SCMH1: variants seen among roughly 807,000 people sequenced by gnomAD.
SCMH1 encodes the protein polycomb protein SCMH1.
A neutral mutation model predicts 70.8 loss-of-function variants in SCMH1; 37 were observed. The ratio of observed to expected loss-of-function variants is 0.52; its 90% CI spans 0.40 to 0.69. The LOEUF (loss-of-function observed/expected upper bound fraction) is 0.69. Ranked by LOEUF, SCMH1 falls within the 30% of genes least tolerant of loss-of-function variation. The probability of loss-of-function intolerance (pLI) is 0.00; values close to 1 mark genes in which losing one functional copy is unlikely to be tolerated. For missense variants in SCMH1, 607 were observed against 827.3 expected, an observed-to-expected ratio of 0.73 and a Z score of 3.27; for synonymous variants, 292 against 307.4, an observed-to-expected ratio of 0.95 and a Z score of 0.52.
At chr1:41,236,439 G>A (rs1662398162) in intron 1 of SCMH1, among the ~76,000 whole-genome samples, 1 of 152,154 alleles carries the variant, frequency 6.6e-6, no homozygotes, top group African/African-American at 2.4e-5. Context: ...AACAATGTAG[G>A]AAACAGGAGT....
At chr1:41,199,838 T>C (rs1653883980) in intron 1 of SCMH1, among the ~76,000 whole-genome samples, 2 of 152,164 alleles carry the variant, frequency 1.3e-5, no homozygotes, top group South Asian at 4.1e-4. Context: ...AATATACCCT[T>C]GTAACAAACC....
At chr1:41,131,356 T>C (rs984747007) in intron 6 of SCMH1, among the ~76,000 whole-genome samples, 3 of 152,160 alleles carry the variant, frequency 2.0e-5, no homozygotes, top group Admixed American at 6.6e-5. Context: ...CTTTTGAATA[T>C]TGCTATGATT....
rs934893232 is a variant in SCMH1 at position 41,084,051 on chromosome 1, A to G, written c.746-8600T>C. ...GAAGAAATCCTAGGCATTACCATTC[A>G]GGACACAGGCATGGGCAAGGACTTC... On this transcript the variant is annotated intron_variant, in intron 8 of 14. Transcript: ENST00000337495. Among the ~76,000 whole-genome samples, 7 of 152,312 alleles carry G rather than the reference A, an allele frequency of 4.6e-5. No individual in the cohort carries two copies. The East Asian group carries it at 1.4e-3, about 29-fold the overall frequency.
chr1:41,152,672 C>A, intron 4 of SCMH1: 1 of 1,614,176 alleles, frequency 6.2e-7, no homozygotes, highest in African/African-American at 1.3e-5. Context: ...AGCAAACCAG[C>A]ATTTCTTGAA....
chr1:41,191,301 T>C (rs997024830), intron 1 of SCMH1, among the ~76,000 whole-genome samples: 2 of 152,258 alleles, frequency 1.3e-5, no homozygotes, highest in African/African-American at 4.8e-5. Flanking sequence ...AATGTGTGTC[T>C]GCTTTATTTT....
intron 8 of SCMH1, among the ~76,000 whole-genome samples, chr1:41,094,996 C>T (rs749022706): frequency 1.1e-4 from 16 of 152,084 alleles, no homozygotes; most frequent in Non-Finnish European, 2.1e-4. Flanking sequence ...ACCTCCAACC[C>T]ATCACCCCCA....
intron 1 of SCMH1, among the ~76,000 whole-genome samples, chr1:41,225,703 G>A (rs1660138478): frequency 1.3e-5 from 2 of 152,204 alleles, no homozygotes; most frequent in African/African-American, 4.8e-5. Context: ...AAGTGGAAAA[G>A]TAATAAGTAG....
chr1:41,118,812 T>C (rs1671186953), intron 6 of SCMH1, among the ~76,000 whole-genome samples: 3 of 152,224 alleles, frequency 2.0e-5, no homozygotes, highest in South Asian at 2.1e-4. Flanking sequence ...CTAATGTTTT[T>C]TGAGCATTTC....
At chr1:41,067,983 A>G (rs1373714490) in intron 10 of SCMH1, among the ~76,000 whole-genome samples, 2 of 152,240 alleles carry the variant, frequency 1.3e-5, no homozygotes, top group South Asian at 2.1e-4. Context: ...AAAGTCTATT[A>G]AAAAATTTCA....
chr1:41,138,373 T>C (rs1404270551), intron 6 of SCMH1, among the ~76,000 whole-genome samples: 1 of 152,214 alleles, frequency 6.6e-6, no homozygotes. Flanking sequence ...GTTCCATTGT[T>C]TTGTTTATCT....
chr1:41,040,465 G>A (rs1293046097), intron 12 of SCMH1, among the ~76,000 whole-genome samples: 1 of 152,164 alleles, frequency 6.6e-6, no homozygotes, highest in Non-Finnish European at 1.5e-5. Flanking sequence ...AACACCCTAA[G>A]GGCAGTCATG....
In SCMH1 at chr1:41,086,489, T is replaced by C. The variant is rs117490813; in HGVS notation, c.746-11038A>G. 1.7e-3 allele frequency among the ~76,000 whole-genome samples: 253 copies of C among 152,244 alleles called. 3 individuals carry two copies. Among genetic ancestry groups the C allele is most frequent in the East Asian group, 0.015 (79 of 5,180 alleles). On this transcript the variant is annotated intron_variant, in intron 8 of 14. Transcript: ENST00000337495. ...TTTTTCAATATCATCAAGTTGTTAG[T>C]TCTAAGTTAACTTACAAACTTAATG... is the stretch of plus-strand genomic sequence containing the variant.
intron 1 of SCMH1, among the ~76,000 whole-genome samples, chr1:41,195,969 T>C (rs1327096862): frequency 6.6e-6 from 1 of 151,894 alleles, no homozygotes; most frequent in African/African-American, 2.4e-5. Context: ...TTAAATAGTA[T>C]CAAAAAGAAT....
At position 41,081,731 on chromosome 1, in the gene SCMH1, G is replaced by A. The variant is rs567608792; in HGVS notation, c.746-6280C>T. Among the ~76,000 whole-genome samples, 9 of 151,892 alleles carry A rather than the reference G, an allele frequency of 5.9e-5. No individual in the cohort carries two copies. The South Asian group carries it at 1.9e-3, about 32-fold the overall frequency. ...GTGACTCTGGAGGCTGAGGTGGGAG[G>A]ATTACTTAAGCCCTGGAAGTCATGG... On this transcript the variant is annotated intron_variant, in intron 8 of 14. Coordinates refer to ENST00000337495, the Ensembl canonical transcript of SCMH1.
chr1:41,191,094 T>G (rs774852041), intron 1 of SCMH1, among the ~76,000 whole-genome samples: 1 of 152,190 alleles, frequency 6.6e-6, no homozygotes, highest in African/African-American at 2.4e-5. Context: ...AGGCTGGTCT[T>G]GAACTCCTGG....
At chr1:41,046,143 G>C (rs901010933) in intron 12 of SCMH1, among the ~76,000 whole-genome samples, 1 of 152,210 alleles carries the variant, frequency 6.6e-6, no homozygotes, top group Non-Finnish European at 1.5e-5. Flanking sequence ...CTCAGAAGGG[G>C]AATTGCGAAC....
intron 13 of SCMH1, among the ~76,000 whole-genome samples, chr1:41,032,925 G>T (rs1261490045): frequency 1.3e-5 from 2 of 150,316 alleles, no homozygotes; most frequent in Non-Finnish European, 2.9e-5. Context: ...GTTGCAGTGA[G>T]CCGAGATTGC....
intron 1 of SCMH1, among the ~76,000 whole-genome samples, chr1:41,232,408 T>G (rs769874579): frequency 4.6e-5 from 7 of 152,230 alleles, no homozygotes; most frequent in Admixed American, 1.3e-4. Context: ...TTGCCGACAT[T>G]GTTTGGTGAG....
At chr1:41,034,107 A>C in intron 13 of SCMH1, 59 bp from the exon 14 acceptor site, 1 of 1,559,026 alleles carries the variant, frequency 6.4e-7, no homozygotes, top group Non-Finnish European at 8.7e-7. Context: ...AACATTCTGC[A>C]TATGAGGAAG....
Sources: gnomAD v4.1 joint callset for allele counts (sites outside exome capture counted in the v4.1 genomes callset) on GRCh38, gnomAD v4.1.1 for gene constraint, MANE v1.5 for transcripts, NCBI Gene and HGNC (gene_info 2026-07-23, HGNC 2026-07-21) for gene names.